ZNF207: variants seen among roughly 807,000 people sequenced by gnomAD.
ZNF207 encodes the protein zinc finger protein 207.
Under a neutral mutation model 60.2 loss-of-function variants are expected in ZNF207, and 24 were observed. That is an observed-to-expected ratio of 0.40 (90% CI 0.29 to 0.56). ZNF207 has a LOEUF of 0.56. Among genes scored for constraint, ZNF207 ranks in the 20% least tolerant of loss-of-function variants. The pLI is 0.49. For missense variants in ZNF207, 452 were observed against 636.6 expected (o/e 0.71, Z 3.12); for synonymous variants, 236 against 194.7 (o/e 1.21, Z -1.77).
rs1463719989 is a variant in ZNF207 at position 32,378,980 on chromosome 17, G to A, written c.*9221G>A. ...TTCCTCTTGAGCTGGATGGTGATTA[G>A]CCATTGTGAAAACAGATTATATGGA... On this transcript the variant is annotated 3_prime_UTR_variant, in exon 12 of 12. Coordinates refer to ENST00000394670, the MANE Select transcript of ZNF207 (RefSeq NM_001098507.2). 1 of 152,058 alleles carries A rather than the reference G, an allele frequency of 6.6e-6. No homozygotes were observed. The highest frequency in any genetic ancestry group is 1.5e-5 in the Non-Finnish European group (1 of 67,932). 9.4% of individuals were successfully genotyped at this position (152,058 alleles called of 1,614,324 possible). A position where few individuals can be genotyped will look rare whatever the true frequency, so the allele number is the denominator to read the frequency against.
intron 7 of ZNF207, 97 bp downstream of exon 7, chr17:32,363,081 T>G (rs563980638): frequency 1.8e-6 from 2 of 1,136,128 alleles, no homozygotes; most frequent in Admixed American, 2.8e-5. Context: ...AATTTAAAAA[T>G]TTTTGAAAGT....
rs537647430 is a variant in ZNF207 at position 32,370,822 on chromosome 17, C to A, written c.*1063C>A. ...GCTTAGGTGCATGCAGTAATAGCTTCTTGTGCTGTTAATGGGTTATTATAT... is the reference window on the plus strand; with the variant it reads ...GCTTAGGTGCATGCAGTAATAGCTTATTGTGCTGTTAATGGGTTATTATAT... On this transcript the variant is annotated 3_prime_UTR_variant, in exon 12 of 12. Transcript: ENST00000394670. The A allele has an allele frequency of 2.6e-5, 4 of 152,286 alleles. No homozygotes were observed. Among genetic ancestry groups the A allele is most frequent in the African/African-American group, 4.8e-5 (2 of 41,546 alleles). The allele number at this position is 152,286 out of a possible 1,614,324, so 9.4% of individuals were successfully genotyped here. A position where few individuals can be genotyped will look rare whatever the true frequency, so the allele number is the denominator to read the frequency against.
In ZNF207 at chr17:32,366,567, A is replaced by G. The variant is rs966385185; in HGVS notation, c.829-98A>G. On this transcript the variant is annotated intron_variant, in intron 8 of 11. Coordinates refer to ENST00000394670, the MANE Select transcript of ZNF207 (RefSeq NM_001098507.2). ...GACATTTGATTGCATTAAATTTTGC[A>G]TTTACAAATATGCAATCTACTAAAA... 1.1e-4 allele frequency: 95 copies of G among 887,220 alleles called. 3 individuals are homozygous for G. The South Asian group carries it at 1.9e-3, about 18-fold the overall frequency. 55.0% of individuals were successfully genotyped at this position (887,220 alleles called of 1,614,324 possible). A position where few individuals can be genotyped will look rare whatever the true frequency, so the allele number is the denominator to read the frequency against.
chr17:32,364,875 A>T (rs537579487), intron 7 of ZNF207, among the ~76,000 whole-genome samples: 1 of 152,230 alleles, frequency 6.6e-6, no homozygotes, highest in African/African-American at 2.4e-5. Context: ...AGTCATTAAA[A>T]GTTTTGTCAT....
chr17:32,350,339 G>T lies in ZNF207; in HGVS notation c.41+13G>T. ...AGCCGTGGTGCTGGTATCCTTTGTC[G>T]GTTTGAAGTCGAGGTCGCGTTGGGG... On this transcript the variant is annotated intron_variant, in intron 1 of 11. Transcript: ENST00000394670. The T allele has an allele frequency of 6.2e-7, 1 of 1,614,066 alleles. No homozygotes were observed. Among genetic ancestry groups the T allele is most frequent in the African/African-American group, 1.3e-5 (1 of 75,040 alleles).
chr17:32,366,045 A>G (rs898767076), intron 8 of ZNF207, among the ~76,000 whole-genome samples: 5 of 152,186 alleles, frequency 3.3e-5, no homozygotes, highest in Non-Finnish European at 5.9e-5. Context: ...CTTCTGTTCT[A>G]TATGGTATAC....
In ZNF207 at chr17:32,369,745, G is replaced by A; in HGVS notation, c.1471G>A (p.Gly491Ser). Residue 491 changes from glycine to serine, a missense_variant, in exon 12 of 12, where the codon GGT becomes AGT. Gly to Ser is a moderately conservative substitution (Grantham distance 56, BLOSUM62 0). Around this residue, in one of 2 missense-constraint regions of ZNF207, gnomAD observed 390 missense variants for 461.4 expected, o/e 0.85. Transcript: ENST00000394670. Reference sequence around the variant, plus strand: ...AATGAGACCTCCTGTAATGTCGCAAGGTGGCCGTTACTGATCTTACTTCAT... The same window carrying A: ...AATGAGACCTCCTGTAATGTCGCAAAGTGGCCGTTACTGATCTTACTTCAT... ...MGMRPPVMSQ[G>S]GRY 1.9e-6 allele frequency: 3 copies of A among 1,543,870 alleles called. No homozygotes were observed. Among genetic ancestry groups the A allele is most frequent in the Non-Finnish European group, 2.6e-6 (3 of 1,147,826 alleles).
chr17:32,351,094 A>G (rs1701977824), intron 1 of ZNF207: 1 of 156,402 alleles, frequency 6.4e-6, no homozygotes, highest in African/African-American at 2.4e-5. Flanking sequence ...GGCTTGTTAC[A>G]GTACTGCGTT....
rs919892621 is a variant in ZNF207, at chr17:32,359,517, G to T, written c.307+876G>T. Among the ~76,000 whole-genome samples the T allele has an allele frequency of 2.0e-5, 3 of 152,180 alleles. No homozygotes were observed. The South Asian group carries it at 6.2e-4, about 32-fold the overall frequency. On this transcript the variant is annotated intron_variant, in intron 3 of 11. Coordinates refer to ENST00000394670, the MANE Select transcript of ZNF207 (RefSeq NM_001098507.2). Reference sequence around the variant, plus strand: ...CCTGCTGAGGCCTCCCTAAGTGCTGGGATTACAGGTGTGAGCCACCATCTC... The same window carrying T: ...CCTGCTGAGGCCTCCCTAAGTGCTGTGATTACAGGTGTGAGCCACCATCTC...
chr17:32,357,342 A>ATTTTTT (rs1364261997), intron 2 of ZNF207, among the ~76,000 whole-genome samples: 14 of 64,418 alleles, frequency 2.2e-4, no homozygotes, highest in African/African-American at 7.9e-4. Context: ...TATTATTATT[A>ATTTTTT]TTATTATTAT....
chr17:32,361,218 G>C, intron 5 of ZNF207: 1 of 576,468 alleles, frequency 1.7e-6, no homozygotes, highest in Non-Finnish European at 3.0e-6. Context: ...TGTGATTAAA[G>C]TAGTTGGTTA....
At chr17:32,361,580 G>A in intron 6 of ZNF207, 65 bp downstream of exon 6, 1 of 1,469,958 alleles carries the variant, frequency 6.8e-7, no homozygotes, top group Admixed American at 1.9e-5. Context: ...TTATGTGTGT[G>A]TTTAATGGTA....
In ZNF207 at chr17:32,378,315, A is replaced by G. The variant is rs577431450; in HGVS notation, c.*8556A>G. On this transcript the variant is annotated 3_prime_UTR_variant, in exon 12 of 12. Coordinates refer to ENST00000394670, the MANE Select transcript of ZNF207 (RefSeq NM_001098507.2). Reference sequence around the variant, plus strand: ...CTTTGGGTCCAGGGTCTTTTACTTAAGCTATTTCATGGTGGTTCTCTCATT... The same window carrying G: ...CTTTGGGTCCAGGGTCTTTTACTTAGGCTATTTCATGGTGGTTCTCTCATT... 7.2e-5 allele frequency: 11 copies of G among 152,184 alleles called. No individual in the cohort carries two copies. In the South Asian group the frequency reaches 2.3e-3, roughly 32 times the overall value. 9.4% of individuals were successfully genotyped at this position (152,184 alleles called of 1,614,324 possible). A position where few individuals can be genotyped will look rare whatever the true frequency, so the allele number is the denominator to read the frequency against.
rs1431473001 is a variant in ZNF207 at position 32,376,954 on chromosome 17, A to G, written c.*7195A>G. The G allele has an allele frequency of 6.6e-6, 1 of 151,994 alleles. No individual in the cohort carries two copies. The highest frequency in any genetic ancestry group is 1.5e-5 in the Non-Finnish European group (1 of 67,904). 9.4% of individuals were successfully genotyped at this position (151,994 alleles called of 1,614,324 possible). On this transcript the variant is annotated 3_prime_UTR_variant, in exon 12 of 12. Coordinates refer to ENST00000394670, the MANE Select transcript of ZNF207 (RefSeq NM_001098507.2). ...ATTGGCATTTTCTAAGCCCTCTGAC[A>G]TTGTTAGTGTCTGGGTTGGTTGGTT...
chr17:32,369,317 C>T lies in ZNF207; in HGVS notation c.1187C>T (p.Pro396Leu), dbSNP rs755275697. The T allele has an allele frequency of 8.1e-6, 13 of 1,613,882 alleles. No individual in the cohort carries two copies. Among genetic ancestry groups the T allele is most frequent in the Non-Finnish European group, 8.5e-6 (10 of 1,180,020 alleles). Residue 396 changes from proline to leucine, a missense_variant, in exon 11 of 12, where the codon CCT (proline) becomes CTT (leucine). Physicochemically the swap from Pro to Leu is moderately conservative, Grantham distance 98 (BLOSUM62 -3). Coordinates refer to ENST00000394670, the MANE Select transcript of ZNF207 (RefSeq NM_001098507.2). The stretch of plus-strand genomic sequence containing the variant: ...CAGGAAGAGAGAAGGGCACAGTTAC[C>T]TAAGTATCAACGTAATCTTCCTCGG... ...ISLEERRAQL[P>L]KYQRNLPRPG...
intron 3 of ZNF207, among the ~76,000 whole-genome samples, chr17:32,359,025 C>T (rs1042561963): frequency 6.6e-6 from 1 of 152,098 alleles, no homozygotes; most frequent in African/African-American, 2.4e-5. Context: ...GTCTCGAACT[C>T]CAGACCCTAA....
Position 32,367,692 on chromosome 17 carries a change from C to A in ZNF207, c.922-80C>A, listed in dbSNP as rs376732945. The A allele has an allele frequency of 4.8e-5, 73 of 1,536,468 alleles. 2 individuals carry two copies. Among genetic ancestry groups the A allele is most frequent in the East Asian group, 4.1e-4 (18 of 44,174 alleles). On this transcript the variant is annotated intron_variant, in intron 9 of 11. Coordinates refer to ENST00000394670, the MANE Select transcript of ZNF207 (RefSeq NM_001098507.2). ...TTTGGTCCTTTATTTAATGTTGATG[C>A]CTTGTTTTAAGTTAAACTGTTGTAG...
intron 7 of ZNF207, among the ~76,000 whole-genome samples, chr17:32,363,369 T>C (rs1904992723): frequency 6.6e-6 from 1 of 152,150 alleles, no homozygotes; most frequent in Non-Finnish European, 1.5e-5. Context: ...ATTACAGGTG[T>C]GAGCCACCAC....
At chr17:32,360,184 C>CA (rs1034797393) in intron 3 of ZNF207, among the ~76,000 whole-genome samples, 4 of 112,994 alleles carry the variant, frequency 3.5e-5, no homozygotes, top group Non-Finnish European at 5.9e-5. Flanking sequence ...TTACCCCCCC[C>CA]CCAAAAAAAA....
Sources: gnomAD v4.1 joint callset for allele counts (sites outside exome capture counted in the v4.1 genomes callset) on GRCh38, gnomAD v4.1.1 for gene constraint, gnomAD v4.1.1 regional missense constraint, MANE v1.5 for transcripts, NCBI Gene and HGNC (gene_info 2026-07-23, HGNC 2026-07-21) for gene names.